Variants in TRIM54 observed in about 807,000 individuals in gnomAD.
TRIM54 encodes the protein tripartite motif-containing protein 54.
In TRIM54, 40 loss-of-function variants were observed where a neutral mutation model predicts 42.0. The observed-to-expected ratio is 0.95, with a 90% CI of 0.74 to 1.24. TRIM54 has a LOEUF of 1.24. TRIM54 is among the 50% of genes most tolerant of loss of function. TRIM54 has a pLI of 0.00. For synonymous variants in TRIM54, 199 were observed against 194.9 expected (o/e 1.02, Z -0.17); for missense variants, 485 against 480.3 (o/e 1.01, Z -0.09).
At chr2:27,295,496 C>CG (rs1036394558) in intron 1 of TRIM54, among the ~76,000 whole-genome samples, 42 of 152,210 alleles carry the variant, frequency 2.8e-4, no homozygotes, top group African/African-American at 8.9e-4. Flanking sequence ...TTAGTAGAGA[C>CG]GGGATTTCAC....
intron 5 of TRIM54, 95 bp downstream of exon 5, chr2:27,305,912 G>A (rs1192889921): frequency 7.3e-7 from 1 of 1,368,704 alleles, no homozygotes; most frequent in South Asian, 1.3e-5. Context: ...TCTTGCACCT[G>A]CTTGCCCCTA....
rs1028709954 is a variant in TRIM54 at position 27,306,670 on chromosome 2, C to T, written c.*1+128C>T. 30 of 1,011,516 alleles carry T rather than the reference C, an allele frequency of 3.0e-5. No homozygotes were observed. The Admixed American group carries it at 4.3e-4, about 15-fold the overall frequency. The allele number at this position is 1,011,516 out of a possible 1,614,324, so 62.7% of individuals were successfully genotyped here. On this transcript the variant is annotated intron_variant, in intron 8 of 8. Coordinates refer to ENST00000380075, the MANE Select transcript of TRIM54 (RefSeq NM_187841.3). This position sits in a 1 kb window ranked among gnomAD's most constrained non-coding sequence, Gnocchi z 6.1. Reference sequence around the variant, plus strand: ...TGCGGGTAGCGTGGAGCCCCCACTCCTCGGTGCAACCCAACCCCGGAGCCA... The same window carrying T: ...TGCGGGTAGCGTGGAGCCCCCACTCTTCGGTGCAACCCAACCCCGGAGCCA...
intron 1 of TRIM54, among the ~76,000 whole-genome samples, chr2:27,291,320 A>C (rs1220426447): frequency 6.6e-6 from 1 of 152,268 alleles, no homozygotes; most frequent in Non-Finnish European, 1.5e-5. Context: ...GTGCCACTGC[A>C]TTCTAGCCTG....
chr2:27,298,533 C>T (rs201208278), intron 1 of TRIM54, 34 bp from the exon 2 acceptor site: 66 of 1,590,680 alleles, frequency 4.1e-5, no homozygotes, highest in African/African-American at 1.6e-4. Flanking sequence ...CATGCCTCCC[C>T]GTGCCTGTTC....
chr2:27,300,284 G>T (rs983565218), intron 3 of TRIM54, among the ~76,000 whole-genome samples: 1 of 152,138 alleles, frequency 6.6e-6, no homozygotes, highest in Non-Finnish European at 1.5e-5. Context: ...CAATTCTCCT[G>T]CCTCAGCCTC....
Position 27,299,235 on chromosome 2 carries a change from T to C in TRIM54, c.342-10T>C. On this transcript the variant is annotated splice_polypyrimidine_tract_variant and intron_variant, in intron 2 of 8. Coordinates refer to ENST00000380075, the MANE Select transcript of TRIM54 (RefSeq NM_187841.3). ...TTAAGGTCCACCTCCCCCTGCCCACTCCTCTCTAGGCCGCTGCACTCCAAG... is the reference window on the plus strand; with the variant it reads ...TTAAGGTCCACCTCCCCCTGCCCACCCCTCTCTAGGCCGCTGCACTCCAAG... The C allele has an allele frequency of 6.2e-7, 1 of 1,613,470 alleles. No individual in the cohort carries two copies. Among genetic ancestry groups the C allele is most frequent in the Non-Finnish European group, 8.5e-7 (1 of 1,179,962 alleles).
At position 27,306,575 on chromosome 2, in the gene TRIM54, G is replaced by C. The variant is rs202207486; in HGVS notation, c.*1+33G>C. The stretch of plus-strand genomic sequence containing the variant: ...CCGCCCGATGGGCCTTAAGGTGAGA[G>C]CGGCCTGAGGGGCTTGGGGTGGGGC... On this transcript the variant is annotated intron_variant, in intron 8 of 8. Coordinates refer to ENST00000380075, the MANE Select transcript of TRIM54 (RefSeq NM_187841.3). This position sits in a 1 kb window ranked among gnomAD's most constrained non-coding sequence, Gnocchi z 6.1. 239 of 1,503,170 alleles carry C rather than the reference G, an allele frequency of 1.6e-4. No individual in the cohort carries two copies. In the East Asian group the frequency reaches 5.5e-3, roughly 35 times the overall value. 93.1% of individuals were successfully genotyped at this position (1,503,170 alleles called of 1,614,324 possible). A position where few individuals can be genotyped will look rare whatever the true frequency, so the allele number is the denominator to read the frequency against.
chr2:27,283,655 A>G (rs756801256), intron 1 of TRIM54, among the ~76,000 whole-genome samples: 13 of 151,668 alleles, frequency 8.6e-5, no homozygotes, highest in Non-Finnish European at 1.3e-4. Flanking sequence ...TAAAAGCAGC[A>G]TATACCAGAA....
intron 3 of TRIM54, 139 bp downstream of exon 3, chr2:27,299,555 G>T: frequency 5.9e-6 from 9 of 1,526,676 alleles, no homozygotes; most frequent in Non-Finnish European, 7.9e-6. Flanking sequence ...CTGTTGCCCA[G>T]GCTGGAGTGC....
intron 3 of TRIM54, among the ~76,000 whole-genome samples, chr2:27,300,363 G>T (rs1238494271): frequency 6.6e-6 from 1 of 151,694 alleles, no homozygotes; most frequent in African/African-American, 2.4e-5. Context: ...AGTAGAGACG[G>T]GGCTTCACCA....
At chr2:27,286,400 C>T (rs1472460065) in intron 1 of TRIM54, among the ~76,000 whole-genome samples, 1 of 152,084 alleles carries the variant, frequency 6.6e-6, no homozygotes, top group Non-Finnish European at 1.5e-5. Context: ...AATGAAACAC[C>T]AAGACACCAC....
At position 27,299,402 on chromosome 2, in the gene TRIM54, T is replaced by C. The variant is rs777352649; in HGVS notation, c.499T>C (p.Tyr167His). Reference protein sequence around the residue: ...DCEVAPLPTIYKRQKSELSDG... With the variant: ...DCEVAPLPTIHKRQKSELSDG... ...TGAGGTGGCCCCACTGCCCACCATT[T>C]ACAAACGCCAGAAGGTATCAAACAG... is the stretch of plus-strand genomic sequence containing the variant. Residue 167 changes from tyrosine to histidine, a missense_variant, in exon 3 of 9, where the codon TAC becomes CAC. Tyr to His is a moderately conservative substitution (Grantham distance 83). Coordinates refer to ENST00000380075, the MANE Select transcript of TRIM54 (RefSeq NM_187841.3). 6.8e-6 allele frequency: 11 copies of C among 1,613,948 alleles called. No individual in the cohort carries two copies. Among genetic ancestry groups the C allele is most frequent in the Non-Finnish European group, 9.3e-6 (11 of 1,179,968 alleles).
intron 5 of TRIM54, 35 bp downstream of exon 5, chr2:27,305,852 T>C (rs1294166294): frequency 6.6e-7 from 1 of 1,525,394 alleles, no homozygotes; most frequent in Non-Finnish European, 8.9e-7. Context: ...CGCTGCACAG[T>C]GGCTGGAGTC....
chr2:27,283,784 GCACACACA>G (rs3073589), intron 1 of TRIM54, among the ~76,000 whole-genome samples: 7 of 132,168 alleles, frequency 5.3e-5, no homozygotes, highest in South Asian at 4.9e-4. Flanking sequence ...ACACACGCGC[GCACACACA>G]CACACACACA....
At chr2:27,299,531 A>G (rs1238536782) in intron 3 of TRIM54, 115 bp downstream of exon 3, 4 of 1,536,318 alleles carry the variant, frequency 2.6e-6, no homozygotes, top group Non-Finnish European at 3.5e-6. Flanking sequence ...TTTATTTAGA[A>G]ACAGGATCTC....
intron 3 of TRIM54, among the ~76,000 whole-genome samples, chr2:27,301,524 C>T (rs1284594654): frequency 2.6e-5 from 4 of 152,256 alleles, no homozygotes; most frequent in Admixed American, 6.5e-5. Context: ...AGAACATATA[C>T]GGTCACTTGC....
At chr2:27,295,536 G>A (rs2148195732) in intron 1 of TRIM54, among the ~76,000 whole-genome samples, 1 of 152,228 alleles carries the variant, frequency 6.6e-6, no homozygotes, top group African/African-American at 2.4e-5. Flanking sequence ...TCGAACTCTT[G>A]ACCTCATGAT....
chr2:27,286,839 G>T (rs1177628505), intron 1 of TRIM54, among the ~76,000 whole-genome samples: 1 of 152,152 alleles, frequency 6.6e-6, no homozygotes, highest in Middle Eastern at 3.2e-3. Context: ...TTATCCTTTA[G>T]TTGTTAGGAC....
chr2:27,305,822 G>T lies in TRIM54; in HGVS notation c.843+5G>T. On this transcript the variant is annotated splice_donor_5th_base_variant and intron_variant, in intron 5 of 8. Transcript: ENST00000380075. ...CAAATGGCGCTGTATCTCCAGGTGGGCTCTAGGGGAGGGTGGCAGCGCTGC... is the reference window on the plus strand; with the variant it reads ...CAAATGGCGCTGTATCTCCAGGTGGTCTCTAGGGGAGGGTGGCAGCGCTGC... 1 of 1,586,944 alleles carries T rather than the reference G, an allele frequency of 6.3e-7. No homozygotes were observed. Among genetic ancestry groups the T allele is most frequent in the South Asian group, 1.1e-5 (1 of 87,358 alleles).
Sources: allele counts gnomAD v4.1 joint callset (sites outside exome capture counted in the v4.1 genomes callset), GRCh38; gene constraint gnomAD v4.1.1; non-coding constraint Gnocchi (gnomAD v3.1); transcripts MANE v1.5; gene names NCBI Gene and HGNC (gene_info 2026-07-23, HGNC 2026-07-21).